Variants in GSPT1 observed in about 807,000 individuals in gnomAD.
GSPT1 encodes the protein eukaryotic peptide chain release factor GTP-binding subunit ERF3A.
Under a neutral mutation model 72.5 loss-of-function variants are expected in GSPT1, and 20 were observed. The observed-to-expected ratio is 0.28, with a 90% CI of 0.19 to 0.40. The LOEUF is 0.40. Among genes scored for constraint, GSPT1 ranks in the 10% least tolerant of loss-of-function variants. GSPT1 has a pLI of 1.00. For missense variants in GSPT1, 580 were observed against 811.9 expected (o/e 0.71, Z 3.47); for synonymous variants, 334 against 293.5 (o/e 1.14, Z -1.41).
chr16:11,884,763 CAAAAA>C (rs35794680), intron 10 of GSPT1, among the ~76,000 whole-genome samples: 5 of 94,680 alleles, frequency 5.3e-5, no homozygotes, highest in South Asian at 6.7e-4. Context: ...GACTCCGTCT[CAAAAA>C]AAAAAAAAAA....
chr16:11,887,239 G>A (rs1282910580), intron 7 of GSPT1, among the ~76,000 whole-genome samples: 3 of 151,962 alleles, frequency 2.0e-5, no homozygotes, highest in Admixed American at 6.6e-5. Context: ...TGTGAAAAGC[G>A]CAAAATGACT....
chr16:11,877,424 G>A lies in GSPT1; in HGVS notation c.1585C>T (p.Arg529Cys), dbSNP rs559521042. The change falls in exon 12 of 15, where the codon CGC becomes TGC. Residue 529 changes from arginine (R) to cysteine (C), a missense_variant. Arg to Cys is a radical substitution (Grantham distance 180). Coordinates refer to ENST00000434724, the MANE Select transcript of GSPT1 (RefSeq NM_002094.4). This position sits in a 1 kb window ranked among gnomAD's most constrained non-coding sequence, Gnocchi z 4.0. ...CDPNNLCHSG[R>C]TFDAQIVIIE... ...TTGTTTACCTGGGCATCAAATGTGCGTCCAGAATGACAAAGATTATTAGGA... is the reference window on the plus strand; with the variant it reads ...TTGTTTACCTGGGCATCAAATGTGCATCCAGAATGACAAAGATTATTAGGA... 8.2e-6 allele frequency: 13 copies of A among 1,587,896 alleles called. No individual in the cohort carries two copies. The highest frequency in any genetic ancestry group is 4.6e-5 in the South Asian group (4 of 86,536).
At chr16:11,879,474 C>T (rs1481402731) in intron 11 of GSPT1, among the ~76,000 whole-genome samples, 1 of 151,630 alleles carries the variant, frequency 6.6e-6, no homozygotes, top group Non-Finnish European at 1.5e-5. Context: ...GTGGCTCACG[C>T]CTGTAACCCC....
At chr16:11,892,125 C>CT (rs1255560600) in intron 5 of GSPT1, among the ~76,000 whole-genome samples, 1 of 150,684 alleles carries the variant, frequency 6.6e-6, no homozygotes, top group African/African-American at 2.4e-5. Flanking sequence ...GGGAGGATCC[C>CT]TTGAGGCCAG....
chr16:11,904,411 C>A (rs1192297516), intron 1 of GSPT1, among the ~76,000 whole-genome samples: 1 of 152,038 alleles, frequency 6.6e-6, no homozygotes, highest in East Asian at 1.9e-4. Context: ...ACCATGTTGG[C>A]CAGGATGGTC....
At chr16:11,887,023 T>TG (rs1182415009) in intron 7 of GSPT1, 92 bp from the exon 8 acceptor site, 13 of 750,094 alleles carry the variant, frequency 1.7e-5, no homozygotes, top group East Asian at 6.0e-5. Context: ...TATCACGAGT[T>TG]TTTTTTTTTT....
intron 7 of GSPT1, 176 bp from the exon 8 acceptor site, chr16:11,887,107 G>T: frequency 1.8e-6 from 1 of 552,210 alleles, no homozygotes; most frequent in Non-Finnish European, 3.1e-6. Context: ...ACAATGTCTA[G>T]ATGCTTCCAA....
intron 13 of GSPT1, 38 bp downstream of exon 13, chr16:11,876,048 G>A (rs1377223782): frequency 3.4e-6 from 5 of 1,473,546 alleles, no homozygotes; most frequent in Non-Finnish European, 4.7e-6. Context: ...AGATAAAACA[G>A]TATTAAAACA....
rs760358200 is a variant in GSPT1, at chr16:11,891,154, A to AG, written c.699-16dup. ...CAGTCAAATACCTGAAAACATTTAA[A>AG]GAAAAAAAAAAGTAAACAATTACTC... On this transcript the variant is annotated splice_polypyrimidine_tract_variant and intron_variant, in intron 5 of 14. Transcript: ENST00000434724. The AG allele has an allele frequency of 3.7e-6, 5 of 1,345,532 alleles. No individual in the cohort carries two copies. Among genetic ancestry groups the AG allele is most frequent in the Middle Eastern group, 3.7e-4 (2 of 5,472 alleles). The allele number at this position is 1,345,532 out of a possible 1,614,324, so 83.3% of individuals were successfully genotyped here.
chr16:11,877,160 A>G lies in GSPT1; in HGVS notation c.1602+247T>C, dbSNP rs918824602. Among the ~76,000 whole-genome samples the G allele has an allele frequency of 6.6e-6, 1 of 152,318 alleles. No homozygotes were observed. The highest frequency in any genetic ancestry group is 1.5e-5 in the Non-Finnish European group (1 of 68,028). Reference sequence around the variant, plus strand: ...ATACTGTAGAATGTATCATCAGGAGATCAAACATAAAAAGGAACTTACAAA... The same window carrying G: ...ATACTGTAGAATGTATCATCAGGAGGTCAAACATAAAAAGGAACTTACAAA... On this transcript the variant is annotated intron_variant, in intron 12 of 14. Transcript: ENST00000434724. The surrounding 1 kb of genome is among the most constrained non-coding windows in gnomAD (Gnocchi z 4.0).
rs2054065017 is a variant in GSPT1, at chr16:11,877,649, A to G, written c.1429-69T>C. Reference sequence around the variant, plus strand: ...GCATTACGCAACATAAAATGATCTGAATGTCTGTCTGCTCAATAAAGAGTT... The same window carrying G: ...GCATTACGCAACATAAAATGATCTGGATGTCTGTCTGCTCAATAAAGAGTT... On this transcript the variant is annotated intron_variant, in intron 11 of 14. Transcript: ENST00000434724. The surrounding 1 kb of genome is among the most constrained non-coding windows in gnomAD (Gnocchi z 4.0). 4.4e-6 allele frequency: 4 copies of G among 904,626 alleles called. No individual in the cohort carries two copies. Among genetic ancestry groups the G allele is most frequent in the Non-Finnish European group, 6.5e-6 (4 of 613,562 alleles). 56.0% of individuals were successfully genotyped at this position (904,626 alleles called of 1,614,324 possible).
intron 11 of GSPT1, among the ~76,000 whole-genome samples, chr16:11,878,184 T>A (rs1353103804): frequency 6.6e-6 from 1 of 152,122 alleles, no homozygotes; most frequent in African/African-American, 2.4e-5. Flanking sequence ...GGTGCGATCT[T>A]GGCTCACTGC....
chr16:11,915,156 C>A, intron 1 of GSPT1: 2 of 1,034,294 alleles, frequency 1.9e-6, no homozygotes, highest in South Asian at 3.8e-5. Context: ...TTTGGGCGCG[C>A]TGCCCGCTGT....
intron 14 of GSPT1, among the ~76,000 whole-genome samples, chr16:11,875,005 C>CACAG: frequency 6.6e-6 from 1 of 152,140 alleles, no homozygotes; most frequent in Non-Finnish European, 1.5e-5. Flanking sequence ...TCCTGGCTAA[C>CACAG]GTGGTGAAAC....
intron 1 of GSPT1, among the ~76,000 whole-genome samples, chr16:11,914,239 G>C (rs1485761967): frequency 1.3e-5 from 2 of 152,160 alleles, no homozygotes; most frequent in Non-Finnish European, 2.9e-5. Flanking sequence ...ATTAGGAAGA[G>C]AATACTTAAG....
chr16:11,874,829 A>G (rs1307370935), intron 14 of GSPT1, among the ~76,000 whole-genome samples: 1 of 152,190 alleles, frequency 6.6e-6, no homozygotes, highest in Non-Finnish European at 1.5e-5. Context: ...ACTATTCTGT[A>G]TTTCAATGGA....
Position 11,877,366 on chromosome 16 carries a change from G to C in GSPT1, c.1602+41C>G, listed in dbSNP as rs1309223341. ...GGCACTGATATTCTAATTTCATTTA[G>C]ACATTAAAACCCACTATGACAACAA... On this transcript the variant is annotated intron_variant, in intron 12 of 14. Coordinates refer to ENST00000434724, the MANE Select transcript of GSPT1 (RefSeq NM_002094.4). This position sits in a 1 kb window ranked among gnomAD's most constrained non-coding sequence, Gnocchi z 4.0. 7.4e-7 allele frequency: 1 copy of C among 1,360,522 alleles called. No individual in the cohort carries two copies. 84.3% of individuals were successfully genotyped at this position (1,360,522 alleles called of 1,614,324 possible).
chr16:11,877,396 A>T lies in GSPT1; in HGVS notation c.1602+11T>A. The T allele has an allele frequency of 6.4e-7, 1 of 1,554,522 alleles. No individual in the cohort carries two copies. The highest frequency in any genetic ancestry group is 8.7e-7 in the Non-Finnish European group (1 of 1,147,176). ...TAAAACCCACTATGACAACAACAAT[A>T]ATTTGTTTACCTGGGCATCAAATGT... On this transcript the variant is annotated intron_variant, in intron 12 of 14. Coordinates refer to ENST00000434724, the MANE Select transcript of GSPT1 (RefSeq NM_002094.4). The surrounding 1 kb of genome is among the most constrained non-coding windows in gnomAD (Gnocchi z 4.0).
At chr16:11,906,203 C>T (rs1172193289) in intron 1 of GSPT1, among the ~76,000 whole-genome samples, 2 of 152,104 alleles carry the variant, frequency 1.3e-5, no homozygotes, top group East Asian at 3.9e-4. Context: ...CCACAACTGG[C>T]CTCACTTCCC....
Sources: allele counts gnomAD v4.1 joint callset (sites outside exome capture counted in the v4.1 genomes callset), GRCh38; gene constraint gnomAD v4.1.1; non-coding constraint Gnocchi (gnomAD v3.1); transcripts MANE v1.5; gene names NCBI Gene and HGNC (gene_info 2026-07-23, HGNC 2026-07-21).